The following SUFU variants were observed in gnomAD, a reference collection of about 807,000 sequenced individuals.
The protein encoded by SUFU is suppressor of fused homolog.
A neutral mutation model predicts 58.9 loss-of-function variants in SUFU; 7 were observed. The ratio of observed to expected loss-of-function variants is 0.12; its 90% confidence interval spans 0.07 to 0.22. SUFU has a LOEUF of 0.22. Ranked by LOEUF, SUFU falls within the 10% of genes least tolerant of loss-of-function variation. The pLI, the probability that SUFU is intolerant of heterozygous loss-of-function variation, is 1.00. For missense variants in SUFU, 451 were observed against 641.3 expected, an observed-to-expected ratio of 0.70 and a Z score of 3.20; for synonymous variants, 232 against 254.8, an observed-to-expected ratio of 0.91 and a Z score of 0.85.
chr10:102,599,869 G>A (rs1005208512), intron 8 of SUFU, among the ~76,000 whole-genome samples: 2 of 152,232 alleles, frequency 1.3e-5, no homozygotes, highest in African/African-American at 4.8e-5. Context: ...GCTGAGCACG[G>A]TTCCCTCCTT....
At chr10:102,563,781 T>G (rs1292167472) in intron 3 of SUFU, among the ~76,000 whole-genome samples, 1 of 150,914 alleles carries the variant, frequency 6.6e-6, no homozygotes, top group Non-Finnish European at 1.5e-5. Flanking sequence ...CTTTTTTTTT[T>G]GTTGTTAAAT....
intron 2 of SUFU, among the ~76,000 whole-genome samples, chr10:102,513,032 C>G (rs3740406): frequency 6.6e-6 from 1 of 151,544 alleles, no homozygotes; most frequent in African/African-American, 2.4e-5. Flanking sequence ...TGCACTACTG[C>G]GCTCCAGTTT....
chr10:102,565,450 T>C (rs2063077494), intron 3 of SUFU, among the ~76,000 whole-genome samples: 1 of 152,238 alleles, frequency 6.6e-6, no homozygotes, highest in Non-Finnish European at 1.5e-5. Flanking sequence ...GCTGTGTTGC[T>C]GAAGGATTTT....
rs117997888 is a variant in SUFU at position 102,627,349 on chromosome 10, C to T, written c.1365+106C>T. 1,059 of 1,050,164 alleles carry T rather than the reference C, an allele frequency of 1.0e-3. 16 individuals carry two copies. In the East Asian group the frequency reaches 0.023, roughly 23 times the overall value. The allele number at this position is 1,050,164 out of a possible 1,614,324, so 65.1% of individuals were successfully genotyped here. A position where few individuals can be genotyped will look rare whatever the true frequency, so the allele number is the denominator to read the frequency against. On this transcript the variant is annotated intron_variant, in intron 11 of 11. Coordinates refer to ENST00000369902, the MANE Select transcript of SUFU (RefSeq NM_016169.4). ...CATGTGTGCGTGTGTACCTGTGGTG[C>T]GTGTGTGCTTGCATGTATCTGTGTG...
intron 3 of SUFU, among the ~76,000 whole-genome samples, chr10:102,591,814 T>C (rs2063405906): frequency 6.6e-6 from 1 of 152,168 alleles, no homozygotes; most frequent in African/African-American, 2.4e-5. Flanking sequence ...GGGGTTGTTT[T>C]CCCTTGTGGT....
chr10:102,541,472 C>T (rs1347479486), intron 2 of SUFU, among the ~76,000 whole-genome samples: 5 of 151,070 alleles, frequency 3.3e-5, no homozygotes, highest in Non-Finnish European at 4.4e-5. Flanking sequence ...GATCTCGGCT[C>T]ACTGCAACCT....
At chr10:102,544,988 A>G (rs1041616158) in intron 2 of SUFU, among the ~76,000 whole-genome samples, 2 of 152,164 alleles carry the variant, frequency 1.3e-5, no homozygotes, top group Non-Finnish European at 2.9e-5. Flanking sequence ...TTGTACAGGT[A>G]TACCATATTT....
At position 102,568,923 on chromosome 10, in the gene SUFU, CATATATATATATATATATATAT is replaced by C. The variant is rs1166324733; in HGVS notation, c.454+18836_454+18857del. Among the ~76,000 whole-genome samples, 78 of 39,090 alleles carry C rather than the reference CATATATATATATATATATATAT, an allele frequency of 2.0e-3. 8 individuals are homozygous for C. The highest frequency in any genetic ancestry group is 0.011 in the East Asian group (19 of 1,734). 25.6% of individuals were successfully genotyped at this position (39,090 alleles called of 152,430 possible). A position where few individuals can be genotyped will look rare whatever the true frequency, so the allele number is the denominator to read the frequency against. ...ATATATATATATATATATATATACACATATATATATATATATATATATATATATATATATATATATCTATAGC... is the reference window on the plus strand; with the variant it reads ...ATATATATATATATATATATATACACATATATATATATATATATCTATAGC... On this transcript the variant is annotated intron_variant, in intron 3 of 11. Coordinates refer to ENST00000369902, the MANE Select transcript of SUFU (RefSeq NM_016169.4).
intron 1 of SUFU, among the ~76,000 whole-genome samples, chr10:102,507,495 G>T (rs1188613588): frequency 6.6e-6 from 1 of 152,202 alleles, no homozygotes; most frequent in Non-Finnish European, 1.5e-5. Context: ...AATTAGTCAA[G>T]TGATTTGTTG....
intron 2 of SUFU, among the ~76,000 whole-genome samples, chr10:102,511,094 C>T (rs1183706816): frequency 6.8e-6 from 1 of 146,942 alleles, no homozygotes; most frequent in Non-Finnish European, 1.5e-5. Flanking sequence ...GTACTCCAGC[C>T]TGGGCAACAA....
chr10:102,551,210 C>G (rs1376327951), intron 3 of SUFU, among the ~76,000 whole-genome samples: 1 of 152,224 alleles, frequency 6.6e-6, no homozygotes, highest in Non-Finnish European at 1.5e-5. Context: ...GAACAGTCCC[C>G]TCATGGAGGC....
At chr10:102,515,582 C>T (rs1353482353) in intron 2 of SUFU, among the ~76,000 whole-genome samples, 1 of 152,162 alleles carries the variant, frequency 6.6e-6, no homozygotes, top group African/African-American at 2.4e-5. Flanking sequence ...TCCCAAAGTG[C>T]TGGGATTACA....
chr10:102,599,630 A>C (rs578109863), intron 8 of SUFU, 86 bp downstream of exon 8: 1 of 1,149,872 alleles, frequency 8.7e-7, no homozygotes, highest in Non-Finnish European at 1.3e-6. Flanking sequence ...GAGAGAGAAC[A>C]ATGCACATAG....
intron 2 of SUFU, among the ~76,000 whole-genome samples, chr10:102,541,407 CT>C (rs1057263599): frequency 2.0e-3 from 4 of 2,016 alleles, no homozygotes; most frequent in East Asian, 0.013. Context: ...TTCTTTCTTT[CT>C]TTTTTTTTGA....
At position 102,625,990 on chromosome 10, in the gene SUFU, C is replaced by T. The variant is rs1474024600; in HGVS notation, c.1297-1185C>T. Among the ~76,000 whole-genome samples the T allele has an allele frequency of 6.6e-6, 1 of 152,204 alleles. No homozygotes were observed. The highest frequency in any genetic ancestry group is 1.9e-4 in the East Asian group (1 of 5,194). ...CCTCCTCACAGGGAGGGTTTCCCCT[C>T]AGAGGAGCCCCTCACCTGGATCTTC... On this transcript the variant is annotated intron_variant, in intron 10 of 11. Coordinates refer to ENST00000369902, the MANE Select transcript of SUFU (RefSeq NM_016169.4). The surrounding 1 kb of genome is among the most constrained non-coding windows in gnomAD (Gnocchi z 4.7).
intron 3 of SUFU, among the ~76,000 whole-genome samples, chr10:102,590,112 G>A (rs1255838339): frequency 7.4e-6 from 1 of 134,906 alleles, no homozygotes; most frequent in Non-Finnish European, 1.6e-5. Context: ...CTTGGTCATT[G>A]TGTATAACCA....
chr10:102,531,950 C>T (rs966022404), intron 2 of SUFU, among the ~76,000 whole-genome samples: 6 of 142,296 alleles, frequency 4.2e-5, no homozygotes, highest in Non-Finnish European at 7.6e-5. Context: ...TGCTGATTTC[C>T]TGTGAGAACT....
intron 7 of SUFU, among the ~76,000 whole-genome samples, 191 bp downstream of exon 7, chr10:102,597,484 G>C (rs373492319): frequency 6.6e-6 from 1 of 152,356 alleles, no homozygotes. Flanking sequence ...CCCATTCCTA[G>C]TTGTGTTTCC....
chr10:102,612,786 C>T (rs936478267), intron 8 of SUFU, among the ~76,000 whole-genome samples: 1 of 152,234 alleles, frequency 6.6e-6, no homozygotes, highest in Non-Finnish European at 1.5e-5. Context: ...CTTAAACTCA[C>T]TCTGAGCCCT....
Sources: allele counts gnomAD v4.1 joint callset (sites outside exome capture counted in the v4.1 genomes callset), GRCh38; gene constraint gnomAD v4.1.1; non-coding constraint Gnocchi (gnomAD v3.1); transcripts MANE v1.5; gene names NCBI Gene and HGNC (gene_info 2026-07-23, HGNC 2026-07-21).